The following UTRN variants were observed in gnomAD, a reference collection of about 807,000 sequenced individuals.
UTRN encodes utrophin.
UTRN carries 283 observed loss-of-function variants against 463.9 expected under a neutral mutation model. The observed-to-expected ratio is 0.61, with a 90% CI of 0.55 to 0.67. The LOEUF (loss-of-function observed/expected upper bound fraction) is 0.67, where lower values mean the gene tolerates loss of function less well. Among genes scored for constraint, UTRN ranks in the 30% least tolerant of loss-of-function variants. The pLI, the probability that UTRN is intolerant of heterozygous loss-of-function variation, is 0.00. For missense variants in UTRN, 3,922 were observed against 4,084.3 expected, an observed-to-expected ratio of 0.96 and a Z score of 1.08; for synonymous variants, 1,442 against 1,431.5, an observed-to-expected ratio of 1.01 and a Z score of -0.17.
chr6:144,363,088 A>G (rs922942696), intron 2 of UTRN, among the ~76,000 whole-genome samples: 1 of 152,178 alleles, frequency 6.6e-6, no homozygotes, highest in Non-Finnish European at 1.5e-5. Flanking sequence ...TTATGTTTTT[A>G]AAAGATTTTT....
intron 27 of UTRN, 131 bp from the exon 28 acceptor site, chr6:144,485,254 T>G (rs984042068): frequency 7.5e-7 from 1 of 1,335,482 alleles, no homozygotes; most frequent in Admixed American, 2.3e-5. Context: ...AAGTTTCAAC[T>G]CCATCAGTTC....
chr6:144,303,637 C>T (rs562867504), intron 2 of UTRN, among the ~76,000 whole-genome samples: 1 of 152,106 alleles, frequency 6.6e-6, no homozygotes, highest in East Asian at 1.9e-4. Context: ...TATATATATT[C>T]TGAGAGAAGG....
intron 51 of UTRN, among the ~76,000 whole-genome samples, chr6:144,591,353 TTGA>T (rs1803052076): frequency 1.3e-5 from 2 of 152,274 alleles, no homozygotes; most frequent in Admixed American, 1.3e-4. Flanking sequence ...GAGTCTCAGC[TTGA>T]GGAAATGCAA....
intron 57 of UTRN, among the ~76,000 whole-genome samples, chr6:144,757,170 A>G (rs1299246980): frequency 5.3e-5 from 8 of 151,186 alleles, no homozygotes; most frequent in African/African-American, 1.5e-4. Flanking sequence ...TTCTTAAATA[A>G]GTCTTAAAAT....
chr6:144,536,047 T>G (rs1048694094), intron 43 of UTRN, among the ~76,000 whole-genome samples: 1 of 152,232 alleles, frequency 6.6e-6, no homozygotes, highest in Admixed American at 6.5e-5. Flanking sequence ...CTCAAAGTGC[T>G]GGGATTACAG....
intron 16 of UTRN, 93 bp from the exon 17 acceptor site, chr6:144,448,507 T>C (rs1231997193): frequency 1.4e-5 from 19 of 1,368,222 alleles, no homozygotes; most frequent in Non-Finnish European, 1.7e-5. Context: ...AACCATTAAA[T>C]TGTGTATTTC....
At position 144,511,018 on chromosome 6, in the gene UTRN, C is replaced by T. The variant is rs1374450821; in HGVS notation, c.4839C>T (p.Asn1613=). Residue 1613 remains asparagine, a synonymous_variant, in exon 35 of 75, where the codon AAC becomes AAT. Transcript: ENST00000367545. ...TITESSAALQ[N]LIEGSEPILE... is the part of the protein sequence containing the mutation. ...CAGAGAGTAGTGCTGCCCTGCAAAA[C>T]TTGATTGAGGGCAGTGAGCCTATTT... 6.2e-6 allele frequency: 10 copies of T among 1,613,086 alleles called. No homozygotes were observed. The South Asian group carries it at 9.9e-5, about 16-fold the overall frequency.
intron 53 of UTRN, among the ~76,000 whole-genome samples, chr6:144,724,377 C>T (rs893456098): frequency 2.0e-5 from 3 of 151,286 alleles, no homozygotes; most frequent in Non-Finnish European, 4.4e-5. Context: ...TACAGGCACC[C>T]GCCACCACGC....
chr6:144,426,474 T>A lies in UTRN; in HGVS notation c.578+15T>A. 1.2e-6 allele frequency: 2 copies of A among 1,602,962 alleles called. No individual in the cohort carries two copies. The highest frequency in any genetic ancestry group is 1.7e-6 in the Non-Finnish European group (2 of 1,173,448). ...CACCGACATAAGTGAGACATTACTC[T>A]ATCTAGAAGTGGGCTTTACAAATTC... is the stretch of plus-strand genomic sequence containing the variant. On this transcript the variant is annotated intron_variant, in intron 7 of 74. Coordinates refer to ENST00000367545, the MANE Select transcript of UTRN (RefSeq NM_007124.3).
rs1244551300 is a variant in UTRN at position 144,393,006 on chromosome 6, T to TG, written c.80-10117_80-10116insG. Among the ~76,000 whole-genome samples, 4 of 84,198 alleles carry TG rather than the reference T, an allele frequency of 4.8e-5. No individual in the cohort carries two copies. The African/African-American group carries it at 6.2e-4, about 13-fold the overall frequency. The allele number at this position is 84,198 out of a possible 152,430, so 55.2% of individuals were successfully genotyped here. A position where few individuals can be genotyped will look rare whatever the true frequency, so the allele number is the denominator to read the frequency against. On this transcript the variant is annotated intron_variant, in intron 2 of 74. Transcript: ENST00000367545. ...AGGCTTTGTGTCCAGCTGCCATCCA[T>TG]CCATCCATCCATCCATCCATCCATC...
chr6:144,664,920 C>T (rs1780235944), intron 51 of UTRN, among the ~76,000 whole-genome samples: 1 of 151,718 alleles, frequency 6.6e-6, no homozygotes, highest in African/African-American at 2.4e-5. Context: ...ATTTTCAAAA[C>T]CTAAAGCTCT....
chr6:144,504,425 T>C (rs558524462), intron 34 of UTRN, among the ~76,000 whole-genome samples: 1 of 152,326 alleles, frequency 6.6e-6, no homozygotes, highest in East Asian at 1.9e-4. Flanking sequence ...TAATACCTAG[T>C]TTATTAAGTG....
chr6:144,299,666 T>C (rs76463046), intron 2 of UTRN, among the ~76,000 whole-genome samples: 6,617 of 152,198 alleles, frequency 0.043, 491 homozygotes, highest in African/African-American at 0.15. Context: ...CATCACATCT[T>C]GAACTCTTTT....
At chr6:144,847,743 G>T (rs1303227556) in intron 74 of UTRN, among the ~76,000 whole-genome samples, 2 of 152,166 alleles carry the variant, frequency 1.3e-5, no homozygotes, top group Non-Finnish European at 2.9e-5. Flanking sequence ...TGAGCAATTT[G>T]TGAGGGAGGT....
At position 144,833,979 on chromosome 6, in the gene UTRN, T is replaced by C. The variant is rs761075901; in HGVS notation, c.9666-1801T>C. Among the ~76,000 whole-genome samples the C allele has an allele frequency of 1.2e-3, 177 of 152,330 alleles. 2 individuals carry two copies. Among genetic ancestry groups the C allele is most frequent in the Non-Finnish European group, 2.9e-4 (20 of 68,032 alleles). On this transcript the variant is annotated intron_variant, in intron 69 of 74. Coordinates refer to ENST00000367545, the MANE Select transcript of UTRN (RefSeq NM_007124.3). Reference sequence around the variant, plus strand: ...AATGCTGCTCTCTGCAGTGGTGCAGTACCCATACTCTCTTCTTCTCGTCCT... The same window carrying C: ...AATGCTGCTCTCTGCAGTGGTGCAGCACCCATACTCTCTTCTTCTCGTCCT...
intron 51 of UTRN, among the ~76,000 whole-genome samples, chr6:144,669,943 T>C (rs775679961): frequency 6.7e-6 from 1 of 149,664 alleles, no homozygotes; most frequent in Non-Finnish European, 1.5e-5. Flanking sequence ...TGAGTAGTAT[T>C]GTAGTATTCC....
chr6:144,762,371 G>A (rs867141292), intron 58 of UTRN, among the ~76,000 whole-genome samples: 5 of 152,288 alleles, frequency 3.3e-5, no homozygotes, highest in Middle Eastern at 3.4e-3. Context: ...AAGGAGGATA[G>A]TAGTGGAGAA....
At position 144,538,005 on chromosome 6, in the gene UTRN, G is replaced by A. The variant is rs538795296; in HGVS notation, c.6369+288G>A. On this transcript the variant is annotated intron_variant, in intron 44 of 74. Coordinates refer to ENST00000367545, the MANE Select transcript of UTRN (RefSeq NM_007124.3). ...GACCTTATCATTTTAAAATACAATA[G>A]GGCTATGAAATATCGTTTTTTGTTT... 2.0e-5 allele frequency among the ~76,000 whole-genome samples: 3 copies of A among 152,080 alleles called. No homozygotes were observed. The South Asian group carries it at 6.2e-4, about 32-fold the overall frequency.
Position 144,827,406 on chromosome 6 carries a change from G to A in UTRN, c.9533+20G>A, listed in dbSNP as rs371805858. 2.2e-5 allele frequency: 35 copies of A among 1,613,076 alleles called. No homozygotes were observed. Among genetic ancestry groups the A allele is most frequent in the South Asian group, 1.1e-4 (10 of 91,056 alleles). On this transcript the variant is annotated intron_variant, in intron 67 of 74. Transcript: ENST00000367545. The stretch of plus-strand genomic sequence containing the variant: ...CTATGAGTGAGTATTCATAGCCCAC[G>A]TGCAGGAGAGGTGTTCTGATCAGTG...
Sources: gnomAD v4.1 joint callset for allele counts (sites outside exome capture counted in the v4.1 genomes callset) on GRCh38, gnomAD v4.1.1 for gene constraint, MANE v1.5 for transcripts, NCBI Gene and HGNC (gene_info 2026-07-23, HGNC 2026-07-21) for gene names.